Variants in IPO11 observed in about 807,000 individuals in gnomAD.
IPO11 encodes importin-11.
Under a neutral mutation model 143.2 loss-of-function variants are expected in IPO11, and 66 were observed. The observed-to-expected ratio is 0.46, with a 90% CI of 0.38 to 0.57. The LOEUF (loss-of-function observed/expected upper bound fraction) is 0.57. IPO11 is among the 20% of genes least tolerant of loss of function. The pLI, the probability that IPO11 is intolerant of heterozygous loss-of-function variation, is 0.00. For missense variants in IPO11, 1,026 were observed against 1,141.0 expected, an observed-to-expected ratio of 0.90 and a Z score of 1.45; for synonymous variants, 385 against 377.8, an observed-to-expected ratio of 1.02 and a Z score of -0.22.
At chr5:62,505,809 C>T (rs1442552155) in intron 18 of IPO11, among the ~76,000 whole-genome samples, 1 of 151,924 alleles carries the variant, frequency 6.6e-6, no homozygotes, top group Non-Finnish European at 1.5e-5. Flanking sequence ...CATCAGATAG[C>T]TAGTATGTGA....
At chr5:62,498,337 T>G (rs3776633) in intron 16 of IPO11, among the ~76,000 whole-genome samples, 13,994 of 152,228 alleles carry the variant, frequency 0.092, 651 homozygotes, top group South Asian at 0.15. Context: ...CTAAAAAGTA[T>G]CTTTTACATT....
rs138539006 is a variant in IPO11, at chr5:62,452,662, C to CGTGTGTGT, written c.516+746_516+753dup. On this transcript the variant is annotated intron_variant, in intron 5 of 29. Coordinates refer to ENST00000325324, the MANE Select transcript of IPO11 (RefSeq NM_016338.5). ...TGCACCTTTTTTTTGGTTTTGGGTT[C>CGTGTGTGT]GTGTGTGTGTGTGTGTGTGTGTGTA... Among the ~76,000 whole-genome samples the CGTGTGTGT allele has an allele frequency of 2.0e-3, 277 of 140,204 alleles. 13 individuals carry two copies. The highest frequency in any genetic ancestry group is 7.0e-3 in the African/African-American group (249 of 35,446). 92.0% of individuals were successfully genotyped at this position (140,204 alleles called of 152,430 possible). A position where few individuals can be genotyped will look rare whatever the true frequency, so the allele number is the denominator to read the frequency against.
At chr5:62,435,186 A>G (rs1473731840) in intron 1 of IPO11, among the ~76,000 whole-genome samples, 2 of 106,528 alleles carry the variant, frequency 1.9e-5, no homozygotes, top group South Asian at 3.0e-4. Flanking sequence ...ATATGTATAT[A>G]TATGTATATA....
At chr5:62,470,113 C>G (rs1745715086) in intron 6 of IPO11, 137 bp from the exon 7 acceptor site, 3 of 729,138 alleles carry the variant, frequency 4.1e-6, no homozygotes, top group African/African-American at 3.6e-5. Flanking sequence ...ATTTCCCAGC[C>G]AAATGACCAG....
At position 62,628,532 on chromosome 5, in the gene IPO11, C is replaced by T. The variant is rs910734834; in HGVS notation, c.*1214C>T. 6.6e-6 allele frequency: 1 copy of T among 152,592 alleles called. No individual in the cohort carries two copies. Among genetic ancestry groups the T allele is most frequent in the Admixed American group, 6.5e-5 (1 of 15,274 alleles). 9.5% of individuals were successfully genotyped at this position (152,592 alleles called of 1,614,324 possible). On this transcript the variant is annotated 3_prime_UTR_variant, in exon 30 of 30. Coordinates refer to ENST00000325324, the MANE Select transcript of IPO11 (RefSeq NM_016338.5). ...ACTGTATGGGGATATTTGATGTTTT[C>T]AGAAAGAGGAAGAAAATATGGTCCA...
Position 62,483,270 on chromosome 5 carries a change from A to C in IPO11, c.998A>C (p.Tyr333Ser). ...AAGATGATTGTCAAAAATTATGCTT[A>C]TAAGCCATCCAAAAATTTTGAAGGT... ...LIKMIVKNYAYKPSKNFEDSS... is the reference protein window; with the variant it reads ...LIKMIVKNYASKPSKNFEDSS... The change falls in exon 10 of 30, where the codon TAT becomes TCT. Residue 333 changes from tyrosine (Y) to serine (S), a missense_variant. Around this residue, in one of 5 missense-constraint regions of IPO11, gnomAD observed 429 missense variants for 456.3 expected, o/e 0.94. Transcript: ENST00000325324. 1 of 1,573,666 alleles carries C rather than the reference A, an allele frequency of 6.4e-7. No homozygotes were observed. The highest frequency in any genetic ancestry group is 8.6e-7 in the Non-Finnish European group (1 of 1,162,074).
chr5:62,583,605 A>AT (rs1744648131), intron 27 of IPO11, among the ~76,000 whole-genome samples: 1 of 152,064 alleles, frequency 6.6e-6, no homozygotes, highest in East Asian at 1.9e-4. Flanking sequence ...CTTTTAAAAA[A>AT]TTTTTCTTTT....
intron 9 of IPO11, among the ~76,000 whole-genome samples, chr5:62,480,796 C>T (rs527907585): frequency 1.3e-4 from 19 of 151,462 alleles, no homozygotes; most frequent in Non-Finnish European, 2.4e-4. Context: ...TATTCTGAGA[C>T]TTTGCTGAAG....
intron 14 of IPO11, 133 bp downstream of exon 14, chr5:62,489,482 A>G: frequency 1.8e-6 from 1 of 562,900 alleles, no homozygotes; most frequent in Non-Finnish European, 3.1e-6. Context: ...GATTGGGGAG[A>G]TAACCAAGTA....
At chr5:62,570,124 C>A (rs933474935) in intron 27 of IPO11, among the ~76,000 whole-genome samples, 2 of 151,022 alleles carry the variant, frequency 1.3e-5, no homozygotes, top group African/African-American at 4.9e-5. Context: ...AGGGTGTAGA[C>A]GTGTTAGAAC....
intron 29 of IPO11, among the ~76,000 whole-genome samples, chr5:62,603,151 CA>C (rs1745567680): frequency 3.9e-5 from 6 of 152,136 alleles, no homozygotes; most frequent in Admixed American, 3.9e-4. Flanking sequence ...TTTCTGGTCA[CA>C]AAAACATCAC....
chr5:62,502,493 TTCC>T (rs1238194536), intron 16 of IPO11, among the ~76,000 whole-genome samples: 1 of 152,218 alleles, frequency 6.6e-6, no homozygotes, highest in Non-Finnish European at 1.5e-5. Context: ...CTCTTTAACT[TTCC>T]TTAAAAGTCT....
At chr5:62,518,563 A>C (rs1742102722) in intron 20 of IPO11, among the ~76,000 whole-genome samples, 1 of 152,044 alleles carries the variant, frequency 6.6e-6, no homozygotes. Context: ...GCAGTGAGCC[A>C]AGATCACACC....
intron 1 of IPO11, among the ~76,000 whole-genome samples, chr5:62,413,882 G>T (rs1193072976): frequency 2.0e-5 from 3 of 152,234 alleles, no homozygotes; most frequent in Non-Finnish European, 4.4e-5. Flanking sequence ...GACATCCATT[G>T]CATGACACAT....
intron 12 of IPO11, 104 bp from the exon 13 acceptor site, chr5:62,487,667 T>C (rs1746460678): frequency 1.7e-6 from 2 of 1,193,618 alleles, no homozygotes; most frequent in East Asian, 6.3e-5. Flanking sequence ...TGGAAACATT[T>C]TCAAAGTTTT....
chr5:62,486,792 T>C (rs775268344), intron 12 of IPO11, among the ~76,000 whole-genome samples: 2 of 152,110 alleles, frequency 1.3e-5, no homozygotes, highest in African/African-American at 2.4e-5. Context: ...TAGAATAATA[T>C]AATGAGCCCT....
intron 28 of IPO11, among the ~76,000 whole-genome samples, chr5:62,596,893 C>T (rs755205894): frequency 6.6e-6 from 1 of 152,216 alleles, no homozygotes; most frequent in Non-Finnish European, 1.5e-5. Context: ...CATCATTCTG[C>T]AAACATGCCA....
At chr5:62,444,789 A>C (rs1580186777) in intron 3 of IPO11, among the ~76,000 whole-genome samples, 1 of 151,970 alleles carries the variant, frequency 6.6e-6, no homozygotes, top group Non-Finnish European at 1.5e-5. Context: ...GAATCACTTG[A>C]ACCTGGGAGG....
chr5:62,576,957 A>C (rs1744335723), intron 27 of IPO11, among the ~76,000 whole-genome samples: 1 of 152,242 alleles, frequency 6.6e-6, no homozygotes, highest in African/African-American at 2.4e-5. Context: ...AGTGTAAAAG[A>C]AGGTTCAGCA....
Sources: allele counts gnomAD v4.1 joint callset (sites outside exome capture counted in the v4.1 genomes callset), GRCh38; gene constraint gnomAD v4.1.1; regional missense constraint gnomAD v4.1.1; transcripts MANE v1.5; gene names NCBI Gene and HGNC (gene_info 2026-07-23, HGNC 2026-07-21).